KCND3: variants seen among roughly 807,000 people sequenced by gnomAD.
The protein encoded by KCND3 is potassium voltage-gated channel subfamily D member 3.
KCND3 carries 9 observed loss-of-function variants against 51.1 expected under a neutral mutation model. The observed-to-expected ratio is 0.18, with a 90% CI of 0.11 to 0.31. The LOEUF is 0.31. Ranked by LOEUF, KCND3 falls within the 10% of genes least tolerant of loss-of-function variation. The probability of loss-of-function intolerance (pLI) is 1.00; values close to 1 mark genes in which losing one functional copy is unlikely to be tolerated. For missense variants in KCND3, 526 were observed against 903.8 expected (o/e 0.58, Z 5.36); for synonymous variants, 349 against 368.0 (o/e 0.95, Z 0.59).
Position 111,982,521 on chromosome 1 carries a change from G to A in KCND3, c.206C>T (p.Thr69Met), listed in dbSNP as rs781094017. The change falls in exon 2 of 8, where the codon ACG (threonine) becomes ATG (methionine). Residue 69 changes from threonine (T) to methionine (M), a missense_variant. Thr to Met is a moderately conservative substitution (Grantham distance 81). Coordinates refer to ENST00000302127, the MANE Select transcript of KCND3 (RefSeq NM_001378969.1). This position sits in a 1 kb window ranked among gnomAD's most constrained non-coding sequence, Gnocchi z 8.5. ...CTCGTTGAAGAAGAACTCCTTCTCC[G>A]TGCTGCCCAGCAGGGTGTCCGGGTA... ...ERYPDTLLGS[T>M]EKEFFFNEDT... 7 of 1,607,618 alleles carry A rather than the reference G, an allele frequency of 4.4e-6. No homozygotes were observed. Among genetic ancestry groups the A allele is most frequent in the South Asian group, 3.3e-5 (3 of 90,716 alleles).
chr1:111,850,635 G>A (rs908834136), intron 2 of KCND3, among the ~76,000 whole-genome samples: 2 of 152,304 alleles, frequency 1.3e-5, no homozygotes, highest in South Asian at 2.1e-4. Flanking sequence ...TAGCCCGCAG[G>A]GGATTCTGAC....
At chr1:111,866,847 T>C (rs914529216) in intron 2 of KCND3, among the ~76,000 whole-genome samples, 1 of 152,152 alleles carries the variant, frequency 6.6e-6, no homozygotes, top group Non-Finnish European at 1.5e-5. Flanking sequence ...TCAGGTCTAA[T>C]GGCAATTTCT....
intron 2 of KCND3, among the ~76,000 whole-genome samples, chr1:111,888,210 A>G (rs1317456888): frequency 6.6e-6 from 1 of 152,268 alleles, no homozygotes. Flanking sequence ...TTGCCCTCCA[A>G]GGGCCAGAGG....
intron 2 of KCND3, among the ~76,000 whole-genome samples, chr1:111,861,403 A>T (rs1449986384): frequency 6.6e-6 from 1 of 152,052 alleles, no homozygotes; most frequent in Non-Finnish European, 1.5e-5. Flanking sequence ...CTAAACTTCA[A>T]CTGTGCAAAT....
intron 2 of KCND3, among the ~76,000 whole-genome samples, chr1:111,972,371 A>G (rs1258753810): frequency 6.6e-6 from 1 of 151,220 alleles, no homozygotes; most frequent in Non-Finnish European, 1.5e-5. Flanking sequence ...ACGGGGTTTC[A>G]CCGTTTTAGC....
chr1:111,982,100 C>T lies in KCND3; in HGVS notation c.627G>A (p.Thr209=). 4.3e-6 allele frequency: 7 copies of T among 1,613,708 alleles called. No individual in the cohort carries two copies. Among genetic ancestry groups the T allele is most frequent in the Non-Finnish European group, 5.9e-6 (7 of 1,179,974 alleles). Residue 209 remains threonine (T), a synonymous_variant, in exon 2 of 8, where the codon ACG becomes ACA. Transcript: ENST00000302127. This position sits in a 1 kb window ranked among gnomAD's most constrained non-coding sequence, Gnocchi z 8.5. ...TNVVETVPCG[T]VPGSKELPCG... The stretch of plus-strand genomic sequence containing the variant: ...ACGGCAGCTCCTTGCTGCCCGGGAC[C>T]GTGCCGCACGGCACCGTCTCCACCA...
chr1:111,962,805 G>T (rs1313584450), intron 2 of KCND3, among the ~76,000 whole-genome samples: 1 of 152,278 alleles, frequency 6.6e-6, no homozygotes, highest in South Asian at 2.1e-4. Flanking sequence ...CTTATTGAAA[G>T]GTAGAATCTG....
chr1:111,886,138 T>C (rs1283555959), intron 2 of KCND3, among the ~76,000 whole-genome samples: 1 of 152,196 alleles, frequency 6.6e-6, no homozygotes, highest in African/African-American at 2.4e-5. Flanking sequence ...GAGTATAATA[T>C]CAGGCTTGAG....
chr1:111,844,068 C>G (rs1667445250), intron 2 of KCND3, among the ~76,000 whole-genome samples: 1 of 152,144 alleles, frequency 6.6e-6, no homozygotes, highest in African/African-American at 2.4e-5. Context: ...AGGTGAGGTG[C>G]ACAGCAGGAA....
At chr1:111,941,532 A>G (rs1672521504) in intron 2 of KCND3, among the ~76,000 whole-genome samples, 1 of 152,072 alleles carries the variant, frequency 6.6e-6, no homozygotes. Flanking sequence ...TTCCTCTCTC[A>G]CTAAAGCAAA....
intron 2 of KCND3, among the ~76,000 whole-genome samples, chr1:111,794,509 C>G (rs1018981160): frequency 1.3e-4 from 20 of 152,332 alleles, no homozygotes; most frequent in African/African-American, 4.3e-4. Context: ...CTGCCACACC[C>G]ACTGCTGCAC....
At chr1:111,852,420 G>A (rs1571741044) in intron 2 of KCND3, among the ~76,000 whole-genome samples, 1 of 152,362 alleles carries the variant, frequency 6.6e-6, no homozygotes, top group East Asian at 1.9e-4. Flanking sequence ...AGCTGTGCAT[G>A]CTGGCAACAG....
chr1:111,916,389 T>C (rs1196133997), intron 2 of KCND3, among the ~76,000 whole-genome samples: 1 of 152,108 alleles, frequency 6.6e-6, no homozygotes, highest in African/African-American at 2.4e-5. Context: ...AATGACAATA[T>C]ACCAAAGTCA....
intron 2 of KCND3, among the ~76,000 whole-genome samples, chr1:111,925,119 G>A (rs1385263729): frequency 6.6e-6 from 1 of 152,232 alleles, no homozygotes; most frequent in East Asian, 1.9e-4. Flanking sequence ...CAAAGAAGAA[G>A]CTGGCTGGCC....
Position 111,796,757 on chromosome 1 carries a change from C to T in KCND3, c.1107-9651G>A, listed in dbSNP as rs143335538. 3.0e-3 allele frequency among the ~76,000 whole-genome samples: 455 copies of T among 152,268 alleles called. 4 individuals are homozygous for T. Among genetic ancestry groups the T allele is most frequent in the African/African-American group, 0.01 (435 of 41,548 alleles). On this transcript the variant is annotated intron_variant, in intron 2 of 7. Transcript: ENST00000302127. ...GTTAAATAAAAAACAAAAGAACAGC[C>T]TTGAGACAATGGAGAAACTTTCAAA...
At chr1:111,923,608 G>T (rs1671571605) in intron 2 of KCND3, among the ~76,000 whole-genome samples, 1 of 152,176 alleles carries the variant, frequency 6.6e-6, no homozygotes, top group Admixed American at 6.5e-5. Context: ...TTGTCTCCAG[G>T]ATTTTAATCT....
intron 2 of KCND3, among the ~76,000 whole-genome samples, chr1:111,815,112 C>T (rs1341425834): frequency 6.6e-6 from 1 of 152,178 alleles, no homozygotes; most frequent in African/African-American, 2.4e-5. Context: ...ACAAGGTGGT[C>T]TGTCTGAATC....
chr1:111,986,169 C>G (rs973790073), intron 1 of KCND3, among the ~76,000 whole-genome samples: 45 of 152,310 alleles, frequency 3.0e-4, no homozygotes, highest in African/African-American at 9.1e-4. Context: ...CAACTCTGTT[C>G]CAATTCAGAG....
chr1:111,805,753 G>A (rs1160811429), intron 2 of KCND3, among the ~76,000 whole-genome samples: 13 of 152,352 alleles, frequency 8.5e-5, no homozygotes, highest in Non-Finnish European at 1.5e-5. Flanking sequence ...AGAATTCAAT[G>A]AGCCACCTGT....
Sources: gnomAD v4.1 joint callset for allele counts (sites outside exome capture counted in the v4.1 genomes callset) on GRCh38, gnomAD v4.1.1 for gene constraint, Gnocchi (gnomAD v3.1) non-coding constraint, MANE v1.5 for transcripts, NCBI Gene and HGNC (gene_info 2026-07-23, HGNC 2026-07-21) for gene names.